The following CACNG6 variants were observed in gnomAD, a reference collection of about 807,000 sequenced individuals.
The protein encoded by CACNG6 is calcium voltage-gated channel auxiliary subunit gamma 6.
Under a neutral mutation model 23.9 loss-of-function variants are expected in CACNG6, and 21 were observed. The observed-to-expected ratio is 0.88, with a 90% CI of 0.62 to 1.26. CACNG6 has a LOEUF of 1.26. Ranked by LOEUF, CACNG6 falls within the 50% of genes most tolerant of loss-of-function variation. CACNG6 has a pLI of 0.00. For missense variants in CACNG6, 340 were observed against 352.9 expected, an observed-to-expected ratio of 0.96 and a Z score of 0.29; for synonymous variants, 182 against 168.9, an observed-to-expected ratio of 1.08 and a Z score of -0.60.
At position 53,991,825 on chromosome 19, in the gene CACNG6, G is replaced by A. The variant is rs1187564540; in HGVS notation, c.-1053G>A. ...GACCGGGAAGGCCCTGGGAGCCCGG[G>A]GGAGGGAGACGGACTGATCCCGAAG... On this transcript the variant is annotated 5_prime_UTR_variant, in exon 1 of 4. Coordinates refer to ENST00000252729, the MANE Select transcript of CACNG6 (RefSeq NM_145814.2). Among the ~76,000 whole-genome samples, 1 of 152,180 alleles carries A rather than the reference G, an allele frequency of 6.6e-6. No homozygotes were observed. The highest frequency in any genetic ancestry group is 1.5e-5 in the Non-Finnish European group (1 of 68,012).
chr19:54,001,489 A>C (rs898634686), intron 3 of CACNG6, among the ~76,000 whole-genome samples: 1 of 152,104 alleles, frequency 6.6e-6, no homozygotes, highest in Non-Finnish European at 1.5e-5. Flanking sequence ...GCGCCCGGCC[A>C]AGACTTTCAT....
chr19:53,992,886 G>T lies in CACNG6; in HGVS notation c.9G>T (p.Trp3Cys). 2 of 1,404,474 alleles carry T rather than the reference G, an allele frequency of 1.4e-6. No individual in the cohort carries two copies. The highest frequency in any genetic ancestry group is 1.8e-6 in the Non-Finnish European group (2 of 1,081,314). 87.0% of individuals were successfully genotyped at this position (1,404,474 alleles called of 1,614,324 possible). Residue 3 changes from tryptophan (W) to cysteine (C), a missense_variant, in exon 1 of 4, where the codon TGG becomes TGT. Coordinates refer to ENST00000252729, the MANE Select transcript of CACNG6 (RefSeq NM_145814.2). This position sits in a 1 kb window ranked among gnomAD's most constrained non-coding sequence, Gnocchi z 4.1. ...ACCCCACCGGCCATAAGATGATGTG[G>T]TCCAACTTCTTCCTGCAAGAGGAGA... MM[W>C]SNFFLQEENR...
At chr19:54,002,267 G>GTTTTTTTTTTTT (rs138464456) in intron 3 of CACNG6, among the ~76,000 whole-genome samples, 9 of 131,928 alleles carry the variant, frequency 6.8e-5, no homozygotes, top group African/African-American at 3.0e-4. Context: ...CTAATTTTCG[G>GTTTTTTTTTTTT]TTTTTTTGTT....
At chr19:54,005,435 C>CAA (rs59213646) in intron 3 of CACNG6, among the ~76,000 whole-genome samples, 89,465 of 145,616 alleles carry the variant, frequency 0.61, 27,651 homozygotes, top group East Asian at 0.87. Context: ...AACCTGATCT[C>CAA]AAAAAAAAAT....
At position 53,992,946 on chromosome 19, in the gene CACNG6, G is replaced by A. The variant is rs201414460; in HGVS notation, c.69G>A (p.Ala23=). 9.5e-5 allele frequency: 130 copies of A among 1,370,886 alleles called. No homozygotes were observed. Among genetic ancestry groups the A allele is most frequent in the Admixed American group, 2.6e-4 (7 of 26,580 alleles). 84.9% of individuals were successfully genotyped at this position (1,370,886 alleles called of 1,614,324 possible). A position where few individuals can be genotyped will look rare whatever the true frequency, so the allele number is the denominator to read the frequency against. Residue 23 remains alanine, a synonymous_variant, in exon 1 of 4, where the codon GCG becomes GCA. Transcript: ENST00000252729. This position sits in a 1 kb window ranked among gnomAD's most constrained non-coding sequence, Gnocchi z 4.1. ...GGGGGGCCGCGGGCCGGCGGCGGGC[G>A]CACGGGCAGGGCAGGTCGGGGCTGA... ...RRRGAAGRRR[A]HGQGRSGLTP... is the part of the protein sequence containing the mutation.
chr19:54,004,900 A>AAAATAAATAAAT (rs57494617), intron 3 of CACNG6, among the ~76,000 whole-genome samples: 16 of 151,480 alleles, frequency 1.1e-4, no homozygotes, highest in African/African-American at 3.7e-4. Flanking sequence ...GAAAATGTTA[A>AAAATAAATAAAT]AAATAAATAA....
chr19:54,012,553 T>G lies in CACNG6; in HGVS notation c.*364T>G. The G allele has an allele frequency of 1.1e-5, 2 of 184,478 alleles. No individual in the cohort carries two copies. Among genetic ancestry groups the G allele is most frequent in the Non-Finnish European group, 1.1e-5 (1 of 90,002 alleles). 11.4% of individuals were successfully genotyped at this position (184,478 alleles called of 1,614,324 possible). ...ATTTCCCAGGTCTGGATCGATTCAC[T>G]TGCCGGGAGAGACTTTTTACAACTC... On this transcript the variant is annotated 3_prime_UTR_variant, in exon 4 of 4. Transcript: ENST00000252729.
At chr19:53,994,719 T>A (rs748865251) in intron 1 of CACNG6, among the ~76,000 whole-genome samples, 3 of 152,168 alleles carry the variant, frequency 2.0e-5, no homozygotes, top group African/African-American at 7.2e-5. Flanking sequence ...TCTCCAGATG[T>A]GATATCTTAT....
At chr19:53,998,149 A>T in intron 1 of CACNG6, 90 bp from the exon 2 acceptor site, 2 of 1,130,812 alleles carry the variant, frequency 1.8e-6, no homozygotes, top group Non-Finnish European at 2.6e-6. Flanking sequence ...TCCAAGTTTT[A>T]GGCTCCCGTG....
chr19:54,008,547 G>C (rs1443056185), intron 3 of CACNG6, among the ~76,000 whole-genome samples: 1 of 152,114 alleles, frequency 6.6e-6, no homozygotes, highest in African/African-American at 2.4e-5. Flanking sequence ...CGCCCCTGCA[G>C]TTCCATTACC....
chr19:53,991,381 T>G (rs1169624884), upstream of CACNG6, among the ~76,000 whole-genome samples: 8 of 151,828 alleles, frequency 5.3e-5, no homozygotes, highest in Non-Finnish European at 7.4e-5. Context: ...CCCGGGAGAC[T>G]GCGGAGCTGG....
intron 1 of CACNG6, among the ~76,000 whole-genome samples, chr19:53,996,361 T>G (rs1302208152): frequency 1.3e-5 from 2 of 151,406 alleles, no homozygotes; most frequent in African/African-American, 2.4e-5. Context: ...CTTTCTTCCT[T>G]TTTCTGTCTT....
chr19:54,009,106 T>C (rs1182519675), intron 3 of CACNG6, among the ~76,000 whole-genome samples: 2 of 152,222 alleles, frequency 1.3e-5, no homozygotes, highest in South Asian at 2.1e-4. Context: ...CTGGCCAACA[T>C]GGTGAAACCA....
At chr19:54,009,176 A>C (rs929795425) in intron 3 of CACNG6, among the ~76,000 whole-genome samples, 1 of 151,924 alleles carries the variant, frequency 6.6e-6, no homozygotes, top group Non-Finnish European at 1.5e-5. Flanking sequence ...TAATCCCAGC[A>C]CTTTGGGAGG....
At position 53,991,846 on chromosome 19, in the gene CACNG6, C is replaced by G. The variant is rs547953198; in HGVS notation, c.-1032C>G. ...CCGGGGGAGGGAGACGGACTGATCC[C>G]GAAGGGGCGCAGCGTCTCTTGCGGG... On this transcript the variant is annotated 5_prime_UTR_variant, in exon 1 of 4. Coordinates refer to ENST00000252729, the MANE Select transcript of CACNG6 (RefSeq NM_145814.2). Among the ~76,000 whole-genome samples, 1 of 152,280 alleles carries G rather than the reference C, an allele frequency of 6.6e-6. No homozygotes were observed. Among genetic ancestry groups the G allele is most frequent in the South Asian group, 2.1e-4 (1 of 4,828 alleles).
chr19:54,011,078 C>A (rs915656507), intron 3 of CACNG6, among the ~76,000 whole-genome samples: 4 of 150,640 alleles, frequency 2.7e-5, no homozygotes, highest in Non-Finnish European at 4.4e-5. Flanking sequence ...CACAGCCAGG[C>A]ACGGTGGCTC....
At chr19:53,999,340 C>T (rs777391390) in intron 2 of CACNG6, among the ~76,000 whole-genome samples, 3 of 152,174 alleles carry the variant, frequency 2.0e-5, no homozygotes, top group Non-Finnish European at 2.9e-5. Context: ...CCTCAGCTTC[C>T]TCAACTGTAA....
intron 2 of CACNG6, 132 bp downstream of exon 2, chr19:53,998,445 C>T (rs1278557350): frequency 5.6e-6 from 4 of 708,746 alleles, no homozygotes; most frequent in Non-Finnish European, 9.5e-6. Context: ...CTGTGGCTGT[C>T]CCCTGGGGAG....
intron 3 of CACNG6, among the ~76,000 whole-genome samples, chr19:54,004,152 C>G (rs2069608927): frequency 6.6e-6 from 1 of 151,940 alleles, no homozygotes; most frequent in South Asian, 2.1e-4. Context: ...CCACCGCACC[C>G]GGCCAAGTGA....
Sources: gnomAD v4.1 joint callset for allele counts (sites outside exome capture counted in the v4.1 genomes callset) on GRCh38, gnomAD v4.1.1 for gene constraint, Gnocchi (gnomAD v3.1) non-coding constraint, MANE v1.5 for transcripts, NCBI Gene and HGNC (gene_info 2026-07-23, HGNC 2026-07-21) for gene names.